The following ASCC1 variants were observed in gnomAD, a reference collection of about 807,000 sequenced individuals.
ASCC1 encodes the protein activating signal cointegrator 1 complex subunit 1.
Under a neutral mutation model 46.6 loss-of-function variants are expected in ASCC1, and 35 were observed. That is an observed-to-expected ratio of 0.75 (90% CI 0.57 to 0.99). ASCC1 has a LOEUF of 0.99. Among genes scored for constraint, ASCC1 ranks in the 50% least tolerant of loss-of-function variants. The pLI is 0.00. For synonymous variants in ASCC1, 143 were observed against 146.6 expected, an observed-to-expected ratio of 0.98 and a Z score of 0.18; for missense variants, 376 against 428.7, an observed-to-expected ratio of 0.88 and a Z score of 1.09.
intron 4 of ASCC1, chr10:72,198,521 A>G (rs1478445142): frequency 2.2e-6 from 1 of 455,524 alleles, no homozygotes; most frequent in South Asian, 1.5e-5. Flanking sequence ...CAGACAGCCT[A>G]GGCAATTTAC....
Position 72,196,892 on chromosome 10 carries a change from G to A in ASCC1, c.408C>T (p.Phe136=). The change falls in exon 5 of 10, where the codon TTC becomes TTT. Residue 136 remains phenylalanine (F), a synonymous_variant. Coordinates refer to ENST00000672957, the MANE Select transcript of ASCC1 (RefSeq NM_001198800.3). ...TFRRKQPFTH[F]LAFFLNEVEV... ...CAACTTCATTGAGGAAAAAGGCAAGGAAGTGAGTGAAGGGCTGCTTTCTTC... is the reference window on the plus strand; with the variant it reads ...CAACTTCATTGAGGAAAAAGGCAAGAAAGTGAGTGAAGGGCTGCTTTCTTC... 1 of 1,613,636 alleles carries A rather than the reference G, an allele frequency of 6.2e-7. No individual in the cohort carries two copies.
In ASCC1 at chr10:72,097,058, T is replaced by C; in HGVS notation, c.*276A>G. The C allele has an allele frequency of 2.0e-6, 1 of 488,154 alleles. No individual in the cohort carries two copies. Among genetic ancestry groups the C allele is most frequent in the Non-Finnish European group, 4.0e-6 (1 of 249,216 alleles). 30.2% of individuals were successfully genotyped at this position (488,154 alleles called of 1,614,324 possible). A position where few individuals can be genotyped will look rare whatever the true frequency, so the allele number is the denominator to read the frequency against. ...GCACTTAAAAATGGTGAAGACAGTA[T>C]GTTTTATGAGTATTTTACGACAATT... On this transcript the variant is annotated 3_prime_UTR_variant, in exon 10 of 10. Transcript: ENST00000672957.
chr10:72,189,445 C>A (rs1854052969), intron 5 of ASCC1, among the ~76,000 whole-genome samples: 1 of 151,734 alleles, frequency 6.6e-6, no homozygotes, highest in East Asian at 1.9e-4. Context: ...TGGAGAAGTT[C>A]ATTTGTCCAA....
intron 9 of ASCC1, among the ~76,000 whole-genome samples, chr10:72,124,723 C>CT (rs34682603): frequency 0.12 from 13,693 of 118,602 alleles, 2,022 homozygotes; most frequent in African/African-American, 0.34. Context: ...CAAACAACAT[C>CT]TTTTTTTTTT....
At chr10:72,210,972 G>T in intron 2 of ASCC1, 141 bp from the exon 3 acceptor site, 1 of 735,608 alleles carries the variant, frequency 1.4e-6, no homozygotes, top group Non-Finnish European at 2.4e-6. Context: ...TACATTCCAT[G>T]ACACTGCTCT....
At chr10:72,098,805 G>C (rs1841395346) in intron 9 of ASCC1, among the ~76,000 whole-genome samples, 1 of 152,224 alleles carries the variant, frequency 6.6e-6, no homozygotes. Context: ...TTGTGTTTCA[G>C]AAAGGTGATC....
chr10:72,104,573 A>G (rs996130856), intron 9 of ASCC1, among the ~76,000 whole-genome samples: 2 of 152,186 alleles, frequency 1.3e-5, no homozygotes, highest in Non-Finnish European at 2.9e-5. Flanking sequence ...TTAAATTAAA[A>G]AAGAATCTAG....
At chr10:72,131,361 G>A (rs985217690) in intron 8 of ASCC1, among the ~76,000 whole-genome samples, 6 of 151,994 alleles carry the variant, frequency 3.9e-5, no homozygotes, top group Non-Finnish European at 7.4e-5. Flanking sequence ...GGAGGTTGCA[G>A]TGAGCTGAGA....
intron 5 of ASCC1, among the ~76,000 whole-genome samples, chr10:72,163,773 G>T (rs1028259182): frequency 1.3e-5 from 2 of 151,830 alleles, no homozygotes; most frequent in Non-Finnish European, 2.9e-5. Flanking sequence ...AGCACAAAAA[G>T]TAAATATACC....
At chr10:72,176,677 C>T (rs781317934) in intron 5 of ASCC1, among the ~76,000 whole-genome samples, 7 of 152,074 alleles carry the variant, frequency 4.6e-5, no homozygotes, top group Non-Finnish European at 8.8e-5. Context: ...TAGGATATTA[C>T]ATTCAAAATC....
intron 4 of ASCC1, among the ~76,000 whole-genome samples, chr10:72,197,394 G>A (rs908762484): frequency 4.9e-5 from 7 of 143,798 alleles, no homozygotes; most frequent in Admixed American, 3.0e-4. Flanking sequence ...AGGGAACCCA[G>A]GAGGTGGAGC....
chr10:72,120,120 C>T (rs7916278), intron 9 of ASCC1, among the ~76,000 whole-genome samples: 17 of 152,050 alleles, frequency 1.1e-4, no homozygotes, highest in Admixed American at 9.8e-4. Flanking sequence ...CCCAGATACT[C>T]GGGAGGCTGA....
rs1851304050 is a variant in ASCC1 at position 72,172,770 on chromosome 10, T to A, written c.490-11096A>T. Among the ~76,000 whole-genome samples the A allele has an allele frequency of 2.9e-5, 3 of 103,836 alleles. No individual in the cohort carries two copies. In the South Asian group the frequency reaches 8.9e-4, roughly 31 times the overall value. The allele number at this position is 103,836 out of a possible 152,430, so 68.1% of individuals were successfully genotyped here. ...TATTATATATTTTTATATTATATAT[T>A]ATATTTTTTATATTATATATTATAT... is the stretch of plus-strand genomic sequence containing the variant. On this transcript the variant is annotated intron_variant, in intron 5 of 9. Transcript: ENST00000672957.
intron 9 of ASCC1, among the ~76,000 whole-genome samples, chr10:72,100,321 C>T (rs953874575): frequency 1.3e-5 from 2 of 152,006 alleles, no homozygotes; most frequent in African/African-American, 2.4e-5. Flanking sequence ...CTCTGCCTCC[C>T]GGGTTCAAGC....
intron 5 of ASCC1, among the ~76,000 whole-genome samples, chr10:72,164,290 C>T (rs1049793699): frequency 2.6e-5 from 4 of 152,062 alleles, no homozygotes; most frequent in Admixed American, 6.6e-5. Flanking sequence ...AATAATCACT[C>T]CTCTTTCTCC....
At chr10:72,167,457 C>T (rs1194064773) in intron 5 of ASCC1, among the ~76,000 whole-genome samples, 2 of 151,956 alleles carry the variant, frequency 1.3e-5, no homozygotes, top group African/African-American at 2.4e-5. Context: ...AGGAGTGGGG[C>T]GGCAAACAGG....
chr10:72,161,779 A>AT (rs1301553445), intron 5 of ASCC1, 105 bp from the exon 6 acceptor site: 4 of 1,373,876 alleles, frequency 2.9e-6, no homozygotes, highest in East Asian at 4.6e-5. Context: ...CAGCCAAGTG[A>AT]TTTTCCACAA....
At chr10:72,204,910 T>C (rs1856984345) in intron 3 of ASCC1, among the ~76,000 whole-genome samples, 1 of 152,180 alleles carries the variant, frequency 6.6e-6, no homozygotes, top group South Asian at 2.1e-4. Flanking sequence ...TGAACAAGCC[T>C]ATCACAAAAA....
chr10:72,128,006 C>T (rs900714637), intron 9 of ASCC1, 76 bp downstream of exon 9: 25 of 1,112,412 alleles, frequency 2.2e-5, no homozygotes, highest in East Asian at 1.2e-4. Flanking sequence ...AAGAAATATA[C>T]GGAGAACTAC....
Sources: gnomAD v4.1 joint callset for allele counts (sites outside exome capture counted in the v4.1 genomes callset) on GRCh38, gnomAD v4.1.1 for gene constraint, MANE v1.5 for transcripts, NCBI Gene and HGNC (gene_info 2026-07-23, HGNC 2026-07-21) for gene names.